The following USP43 variants were observed in gnomAD, a reference collection of about 807,000 sequenced individuals.
The protein encoded by USP43 is ubiquitin specific peptidase 43, also known as ubiquitin carboxyl-terminal hydrolase 43.
USP43 carries 33 observed loss-of-function variants against 90.7 expected under a neutral mutation model. That is an observed-to-expected ratio of 0.36 (90% confidence interval 0.28 to 0.49). USP43 has a LOEUF of 0.49. Ranked by LOEUF, USP43 falls within the 20% of genes least tolerant of loss-of-function variation. The probability of loss-of-function intolerance (pLI) is 0.98; values close to 1 mark genes in which losing one functional copy is unlikely to be tolerated. For missense variants in USP43, 1,274 were observed against 1,476.4 expected (o/e 0.86, Z 2.25); for synonymous variants, 598 against 615.8 (o/e 0.97, Z 0.43).
intron 4 of USP43, 143 bp from the exon 5 acceptor site, chr17:9,676,603 C>G: frequency 1.0e-6 from 1 of 995,484 alleles, no homozygotes; most frequent in Non-Finnish European, 1.4e-6. Context: ...AACTCTTGAC[C>G]GCAGGTGATC....
intron 12 of USP43, among the ~76,000 whole-genome samples, chr17:9,708,120 G>T (rs1915992155): frequency 6.6e-6 from 1 of 152,236 alleles, no homozygotes; most frequent in Admixed American, 6.5e-5. Flanking sequence ...AGGCCCTGAG[G>T]CAGAAAGCAT....
intron 6 of USP43, 140 bp from the exon 7 acceptor site, chr17:9,682,683 C>T: frequency 9.5e-7 from 1 of 1,047,762 alleles, no homozygotes; most frequent in Non-Finnish European, 1.3e-6. Flanking sequence ...TCATTATCTC[C>T]TCCCCTAAAG....
chr17:9,703,379 T>C (rs1019331337), intron 12 of USP43, among the ~76,000 whole-genome samples: 4 of 152,172 alleles, frequency 2.6e-5, no homozygotes, highest in Non-Finnish European at 4.4e-5. Flanking sequence ...AGAAGTAGCA[T>C]AGGCGTGAGA....
At chr17:9,712,615 C>G (rs1387875340) in intron 14 of USP43, among the ~76,000 whole-genome samples, 1 of 152,034 alleles carries the variant, frequency 6.6e-6, no homozygotes, top group Non-Finnish European at 1.5e-5. Flanking sequence ...TGGGAGTGAG[C>G]ATTGGATGTG....
In USP43 at chr17:9,728,100, G is replaced by C. The variant is rs1187192776; in HGVS notation, c.2482G>C (p.Ala828Pro). 5 of 1,613,846 alleles carry C rather than the reference G, an allele frequency of 3.1e-6. No homozygotes were observed. Among genetic ancestry groups the C allele is most frequent in the Non-Finnish European group, 4.2e-6 (5 of 1,179,906 alleles). ...SFGSKEKPPG[A>P]SVELVEYLES... Reference sequence around the variant, plus strand: ...TGGATCCAAGGAGAAACCACCAGGTGCCTCCGTCGAGTTGGTGGAGTACTT... The same window carrying C: ...TGGATCCAAGGAGAAACCACCAGGTCCCTCCGTCGAGTTGGTGGAGTACTT... Residue 828 changes from alanine (A) to proline (P), a missense_variant, in exon 15 of 15, where the codon GCC becomes CCC. Ala to Pro is a conservative substitution (Grantham distance 27). Around this residue, in one of 6 missense-constraint regions of USP43, gnomAD observed 285 missense variants for 349.6 expected, o/e 0.82. Coordinates refer to ENST00000285199, the MANE Select transcript of USP43 (RefSeq NM_153210.5). The surrounding 1 kb of genome is among the most constrained non-coding windows in gnomAD (Gnocchi z 6.2).
At chr17:9,720,321 C>CAAAAA (rs980644442) in intron 14 of USP43, among the ~76,000 whole-genome samples, 7 of 43,644 alleles carry the variant, frequency 1.6e-4, no homozygotes, top group Admixed American at 2.9e-4. Context: ...GACTCCATCT[C>CAAAAA]AAAAAAAAAA....
intron 3 of USP43, among the ~76,000 whole-genome samples, chr17:9,673,814 T>C (rs1913596727): frequency 6.6e-6 from 1 of 152,166 alleles, no homozygotes; most frequent in African/African-American, 2.4e-5. Context: ...GGTAAATGGG[T>C]TCATCTATGC....
intron 2 of USP43, among the ~76,000 whole-genome samples, chr17:9,659,772 A>G (rs905982143): frequency 2.2e-4 from 33 of 152,036 alleles, no homozygotes; most frequent in African/African-American, 7.5e-4. Flanking sequence ...CACAGTTATT[A>G]AGTGAGAGAA....
At chr17:9,727,147 A>G (rs1318548951) in intron 14 of USP43, among the ~76,000 whole-genome samples, 1 of 151,740 alleles carries the variant, frequency 6.6e-6, no homozygotes, top group Non-Finnish European at 1.5e-5. Flanking sequence ...TAATTTTTGT[A>G]TTTTAGTAGA....
At position 9,728,225 on chromosome 17, in the gene USP43, C is replaced by T. The variant is rs61729504; in HGVS notation, c.2607C>T (p.Asn869=). 2,822 of 1,613,912 alleles carry T rather than the reference C, an allele frequency of 1.7e-3. 50 individuals are homozygous for T. The African/African-American group carries it at 0.034, about 19-fold the overall frequency. ...EDEKSASPRS[N]VALPANSEDG... is the part of the protein sequence containing the mutation. ...AGAAGTCAGCATCGCCGAGGTCCAACGTCGCCCTTCCTGCTAACAGCGAAG... is the reference window on the plus strand; with the variant it reads ...AGAAGTCAGCATCGCCGAGGTCCAATGTCGCCCTTCCTGCTAACAGCGAAG... Residue 869 remains asparagine, a synonymous_variant, in exon 15 of 15, where the codon AAC becomes AAT. Transcript: ENST00000285199. The surrounding 1 kb of genome is among the most constrained non-coding windows in gnomAD (Gnocchi z 6.2).
chr17:9,670,430 G>A (rs936339090), intron 3 of USP43, among the ~76,000 whole-genome samples: 6 of 152,178 alleles, frequency 3.9e-5, no homozygotes, highest in African/African-American at 1.2e-4. Context: ...GGAGAGCAAT[G>A]GTGGTTGGAA....
At chr17:9,652,338 A>G (rs948564076) in intron 1 of USP43, among the ~76,000 whole-genome samples, 6 of 150,852 alleles carry the variant, frequency 4.0e-5, no homozygotes, top group Non-Finnish European at 5.9e-5. Context: ...AGTTCTAGTT[A>G]TGTTTCCATA....
chr17:9,645,800 C>A lies in USP43; in HGVS notation c.168C>A (p.Asp56Glu). 7.2e-7 allele frequency: 1 copy of A among 1,389,032 alleles called. No homozygotes were observed. The highest frequency in any genetic ancestry group is 9.3e-7 in the Non-Finnish European group (1 of 1,079,500). 86.0% of individuals were successfully genotyped at this position (1,389,032 alleles called of 1,614,324 possible). Residue 56 changes from aspartate to glutamate, a missense_variant, in exon 1 of 15, where the codon GAC becomes GAA. Physicochemically the swap from Asp to Glu is conservative, Grantham distance 45. Coordinates refer to ENST00000285199, the MANE Select transcript of USP43 (RefSeq NM_153210.5). The surrounding 1 kb of genome is among the most constrained non-coding windows in gnomAD (Gnocchi z 6.8). ...PRPQPGHCDG[D>E]GEGGFACAPG... ...CCCAGCCGGGACACTGTGATGGCGA[C>A]GGTGAGGGGGGCTTCGCCTGCGCCC... is the stretch of plus-strand genomic sequence containing the variant.
intron 14 of USP43, among the ~76,000 whole-genome samples, chr17:9,715,634 G>GT (rs371567279): frequency 1.6e-3 from 228 of 146,360 alleles, no homozygotes; most frequent in South Asian, 6.7e-3. Flanking sequence ...CTGTGTGTGT[G>GT]TTTCTTGTGT....
chr17:9,692,150 G>T (rs1914995986), intron 8 of USP43, among the ~76,000 whole-genome samples: 1 of 151,980 alleles, frequency 6.6e-6, no homozygotes. Flanking sequence ...CGTGAGGTCA[G>T]GAGTTCAAGA....
At chr17:9,664,464 T>A (rs1212112971) in intron 2 of USP43, among the ~76,000 whole-genome samples, 1 of 152,174 alleles carries the variant, frequency 6.6e-6, no homozygotes, top group Non-Finnish European at 1.5e-5. Flanking sequence ...CCTCACTGCC[T>A]GCCTGTTCTT....
intron 2 of USP43, 70 bp from the exon 3 acceptor site, chr17:9,666,578 C>G: frequency 1.5e-6 from 2 of 1,295,864 alleles, no homozygotes; most frequent in Non-Finnish European, 2.2e-6. Context: ...AGCATGGGCT[C>G]GGTGGTCTGG....
Position 9,729,168 on chromosome 17 carries a change from A to C in USP43, c.*178A>C. 2.0e-6 allele frequency: 1 copy of C among 504,600 alleles called. No homozygotes were observed. The highest frequency in any genetic ancestry group is 3.2e-6 in the Non-Finnish European group (1 of 314,002). The allele number at this position is 504,600 out of a possible 1,614,324, so 31.3% of individuals were successfully genotyped here. On this transcript the variant is annotated 3_prime_UTR_variant, in exon 15 of 15. Transcript: ENST00000285199. ...TCTAGACTTCCAACACCCAAGGTCC[A>C]TATAACCCAAGGTCGAAAACCTTCC...
intron 2 of USP43, among the ~76,000 whole-genome samples, chr17:9,665,651 C>T (rs1912993164): frequency 6.6e-6 from 1 of 152,148 alleles, no homozygotes; most frequent in Non-Finnish European, 1.5e-5. Context: ...TATATCATTA[C>T]CTTCTATGGT....
Sources: allele counts gnomAD v4.1 joint callset (sites outside exome capture counted in the v4.1 genomes callset), GRCh38; gene constraint gnomAD v4.1.1; regional missense constraint gnomAD v4.1.1; non-coding constraint Gnocchi (gnomAD v3.1); transcripts MANE v1.5; gene names NCBI Gene and HGNC (gene_info 2026-07-23, HGNC 2026-07-21).